The following IGSF5 variants were observed in gnomAD, a reference collection of about 807,000 sequenced individuals.
The protein encoded by IGSF5 is immunoglobulin superfamily 5 like.
IGSF5 carries 41 observed loss-of-function variants against 39.4 expected under a neutral mutation model. That is an observed-to-expected ratio of 1.04 (90% confidence interval 0.81 to 1.35). The LOEUF (loss-of-function observed/expected upper bound fraction) is 1.35. Among genes scored for constraint, IGSF5 ranks in the 40% most tolerant of loss-of-function variants. The pLI is 0.00. For synonymous variants in IGSF5, 183 were observed against 175.3 expected (o/e 1.04, Z -0.34); for missense variants, 487 against 494.6 (o/e 0.98, Z 0.15).
At chr21:39,720,305 G>T in the IGSF5 span, among the ~76,000 whole-genome samples, 16 of 152,160 alleles carry the variant, frequency 1.1e-4, 1 homozygote, top group Admixed American at 1.0e-3. Flanking sequence ...TGAGCAATGT[G>T]GAGTGGCTAT....
the IGSF5 span, among the ~76,000 whole-genome samples, chr21:39,715,313 TTCACCATGTTGC>T: frequency 1.3e-5 from 2 of 152,050 alleles, no homozygotes; most frequent in South Asian, 4.2e-4. Flanking sequence ...GAGATGGGGT[TTCACCATGTTGC>T]TCAGGCTGGT....
In IGSF5 at chr21:39,792,970, G is replaced by A. The variant is rs140150149; in HGVS notation, c.1049-564G>A. 9.1e-3 allele frequency among the ~76,000 whole-genome samples: 1,385 copies of A among 151,382 alleles called. 10 individuals carry two copies. Among genetic ancestry groups the A allele is most frequent in the Non-Finnish European group, 0.011 (758 of 67,890 alleles). On this transcript the variant is annotated intron_variant, in intron 7 of 8. Transcript: ENST00000380588. Reference sequence around the variant, plus strand: ...CTTGCTGAGGGGCCTAAACACCTGCGTTTTCCACAAAAATTGGAGCTCTAT... The same window carrying A: ...CTTGCTGAGGGGCCTAAACACCTGCATTTTCCACAAAAATTGGAGCTCTAT...
At chr21:39,781,103 T>C (rs1247986829) in intron 5 of IGSF5, among the ~76,000 whole-genome samples, 1 of 152,164 alleles carries the variant, frequency 6.6e-6, no homozygotes, top group Non-Finnish European at 1.5e-5. Flanking sequence ...AAACTAAAGG[T>C]CTAGTCTTAG....
At chr21:39,780,890 A>G (rs1250079351) in intron 5 of IGSF5, among the ~76,000 whole-genome samples, 1 of 152,072 alleles carries the variant, frequency 6.6e-6, no homozygotes, top group Non-Finnish European at 1.5e-5. Flanking sequence ...AACTTCATGT[A>G]CTCCTGTTTG....
chr21:39,734,771 C>G, the IGSF5 span, among the ~76,000 whole-genome samples: 1 of 151,336 alleles, frequency 6.6e-6, no homozygotes, highest in African/African-American at 2.5e-5. Context: ...TGGGATTACA[C>G]TTAGTCACTA....
At chr21:39,736,030 G>A in the IGSF5 span, among the ~76,000 whole-genome samples, 3 of 146,200 alleles carry the variant, frequency 2.1e-5, no homozygotes, top group Non-Finnish European at 3.0e-5. Flanking sequence ...CTGTGGGCTC[G>A]TCTAAGACCA....
At chr21:39,749,557 G>T (rs1279118831) in intron 2 of IGSF5, among the ~76,000 whole-genome samples, 1 of 152,192 alleles carries the variant, frequency 6.6e-6, no homozygotes, top group Non-Finnish European at 1.5e-5. Context: ...GGTTAAGGAC[G>T]CACCTATGAC....
intron 1 of IGSF5, 55 bp from the exon 2 acceptor site, chr21:39,746,161 C>A: frequency 1.4e-6 from 1 of 701,064 alleles, no homozygotes; most frequent in East Asian, 2.7e-5. Context: ...CATGCAGGAA[C>A]AATGGCGAGC....
intron 8 of IGSF5, among the ~76,000 whole-genome samples, chr21:39,798,502 G>C (rs541357410): frequency 1.1e-4 from 17 of 152,290 alleles, no homozygotes; most frequent in African/African-American, 3.8e-4. Context: ...GGTGTATGGC[G>C]TTAGGAGGAG....
At chr21:39,762,507 A>G (rs1401223919) in intron 2 of IGSF5, among the ~76,000 whole-genome samples, 1 of 152,206 alleles carries the variant, frequency 6.6e-6, no homozygotes, top group Non-Finnish European at 1.5e-5. Context: ...CCGATTATGC[A>G]GAGGAAGTCT....
chr21:39,789,245 A>C (rs956807803), intron 6 of IGSF5, among the ~76,000 whole-genome samples: 4 of 152,206 alleles, frequency 2.6e-5, no homozygotes, highest in Non-Finnish European at 5.9e-5. Context: ...AAGCACAGTA[A>C]AGTGATCAAT....
chr21:39,778,069 C>A (rs1407409195), intron 4 of IGSF5, among the ~76,000 whole-genome samples: 1 of 152,180 alleles, frequency 6.6e-6, no homozygotes, highest in South Asian at 2.1e-4. Flanking sequence ...TGTTGAATAA[C>A]AATTCACAAT....
At chr21:39,799,381 C>T (rs1396610750) in intron 8 of IGSF5, among the ~76,000 whole-genome samples, 1 of 152,220 alleles carries the variant, frequency 6.6e-6, no homozygotes, top group Non-Finnish European at 1.5e-5. Flanking sequence ...CAGGAACACA[C>T]TGGGTTCTTG....
chr21:39,746,172 C>G, intron 1 of IGSF5, 44 bp from the exon 2 acceptor site: 1 of 701,500 alleles, frequency 1.4e-6, no homozygotes, highest in South Asian at 1.5e-5. Context: ...AATGGCGAGC[C>G]TTTAGCCTGA....
chr21:39,737,681 T>C, the IGSF5 span, among the ~76,000 whole-genome samples: 1 of 152,192 alleles, frequency 6.6e-6, no homozygotes, highest in East Asian at 1.9e-4. Context: ...TCCCTGGGTG[T>C]GTGGCCCCCC....
the IGSF5 span, among the ~76,000 whole-genome samples, chr21:39,727,180 T>C: frequency 4.6e-5 from 7 of 152,248 alleles, no homozygotes; most frequent in Admixed American, 1.3e-4. Context: ...TTTTGCTTCC[T>C]ATCCCTGAGA....
the IGSF5 span, among the ~76,000 whole-genome samples, chr21:39,731,118 C>T: frequency 9.9e-5 from 15 of 152,174 alleles, no homozygotes; most frequent in Non-Finnish European, 1.3e-4. Context: ...CATGGGCTAT[C>T]CTTTCCCACT....
the IGSF5 span, among the ~76,000 whole-genome samples, chr21:39,712,374 A>G: frequency 6.6e-6 from 1 of 152,120 alleles, no homozygotes; most frequent in Non-Finnish European, 1.5e-5. Flanking sequence ...ACGTGGGTGG[A>G]CCAGACGTTT....
At chr21:39,779,922 G>A (rs960674633) in intron 5 of IGSF5, among the ~76,000 whole-genome samples, 2 of 152,086 alleles carry the variant, frequency 1.3e-5, no homozygotes, top group African/African-American at 4.8e-5. Context: ...GGGAGATGTT[G>A]GTCGAAGGGT....
Sources: allele counts gnomAD v4.1 joint callset (sites outside exome capture counted in the v4.1 genomes callset), GRCh38; gene constraint gnomAD v4.1.1; transcripts MANE v1.5; gene names NCBI Gene and HGNC (gene_info 2026-07-23, HGNC 2026-07-21).